Variants in TANC1 observed in about 807,000 individuals in gnomAD.
TANC1 encodes the protein tetratricopeptide repeat, ankyrin repeat and coiled-coil containing 1, also known as protein TANC1.
Under a neutral mutation model 149.7 loss-of-function variants are expected in TANC1, and 77 were observed. The observed-to-expected ratio is 0.51, with a 90% confidence interval of 0.43 to 0.62. The LOEUF is 0.62. Ranked by LOEUF, TANC1 falls within the 20% of genes least tolerant of loss-of-function variation. The pLI is 0.00. For missense variants in TANC1, 1,985 were observed against 2,321.8 expected, an observed-to-expected ratio of 0.85 and a Z score of 2.98; for synonymous variants, 854 against 925.0, an observed-to-expected ratio of 0.92 and a Z score of 1.39.
chr2:158,973,870 G>C (rs1045868613), intron 1 of TANC1, among the ~76,000 whole-genome samples: 2 of 152,220 alleles, frequency 1.3e-5, no homozygotes. Flanking sequence ...TATGTACACA[G>C]ACATGAGGGG....
chr2:159,005,808 G>GA lies in TANC1; in HGVS notation c.-16+4628dup, dbSNP rs949236936. On this transcript the variant is annotated intron_variant, in intron 2 of 26. Coordinates refer to ENST00000263635, the MANE Select transcript of TANC1 (RefSeq NM_033394.3). ...CCACTACAAAAACAAAATTGAAAAA[G>GA]AAAAAAAAAGAAAATTGTCCTTGAA... is the stretch of plus-strand genomic sequence containing the variant. Among the ~76,000 whole-genome samples the GA allele has an allele frequency of 2.1e-4, 31 of 149,736 alleles. 1 individual carries two copies. The highest frequency in any genetic ancestry group is 7.1e-4 in the African/African-American group (29 of 40,862).
At chr2:159,067,485 C>T (rs1372065575) in intron 3 of TANC1, among the ~76,000 whole-genome samples, 1 of 152,184 alleles carries the variant, frequency 6.6e-6, no homozygotes, top group Non-Finnish European at 1.5e-5. Flanking sequence ...GGAGAAATTT[C>T]GTTCACAGAA....
chr2:159,085,071 A>G (rs775419204), intron 3 of TANC1, among the ~76,000 whole-genome samples: 48 of 152,232 alleles, frequency 3.2e-4, no homozygotes, highest in Non-Finnish European at 6.6e-4. Flanking sequence ...TGTTCTCACC[A>G]AAACCTCATG....
chr2:158,977,600 C>T (rs946053146), intron 1 of TANC1, among the ~76,000 whole-genome samples: 2 of 151,248 alleles, frequency 1.3e-5, no homozygotes, highest in Admixed American at 6.6e-5. Flanking sequence ...CATGAGCCAC[C>T]GTGCCTGGCT....
At chr2:159,228,218 T>C (rs1468868510) in intron 25 of TANC1, 6 of 464,862 alleles carry the variant, frequency 1.3e-5, no homozygotes, top group Non-Finnish European at 2.3e-5. Context: ...GAGAAGCAAA[T>C]GCAGTCTGCT....
At chr2:159,051,537 A>C (rs956328601) in intron 2 of TANC1, among the ~76,000 whole-genome samples, 1 of 152,184 alleles carries the variant, frequency 6.6e-6, no homozygotes, top group African/African-American at 2.4e-5. Context: ...ACATACCTTC[A>C]AGTATAAGGC....
At chr2:159,052,525 G>A (rs1029969203) in intron 2 of TANC1, among the ~76,000 whole-genome samples, 3 of 152,144 alleles carry the variant, frequency 2.0e-5, no homozygotes, top group African/African-American at 7.2e-5. Context: ...GGACTTCCCA[G>A]CTTCCAGAAC....
intron 19 of TANC1, among the ~76,000 whole-genome samples, chr2:159,199,334 G>C (rs2058081790): frequency 6.6e-6 from 1 of 152,190 alleles, no homozygotes; most frequent in South Asian, 2.1e-4. Flanking sequence ...ACCTAACTAA[G>C]GTGTTGTTTT....
chr2:159,147,894 C>G (rs1162419498), intron 5 of TANC1: 5 of 152,108 alleles, frequency 3.3e-5, no homozygotes, highest in Admixed American at 1.3e-4. Flanking sequence ...GCATGACTTG[C>G]AAAACTGATA....
intron 4 of TANC1, 74 bp from the exon 5 acceptor site, chr2:159,136,120 A>T (rs2050715282): frequency 2.2e-6 from 2 of 924,474 alleles, no homozygotes; most frequent in Admixed American, 3.5e-5. Flanking sequence ...CCTGGTAAGG[A>T]CACACACTGT....
intron 2 of TANC1, among the ~76,000 whole-genome samples, chr2:159,022,900 A>C (rs1413037387): frequency 6.6e-6 from 1 of 152,136 alleles, no homozygotes; most frequent in Non-Finnish European, 1.5e-5. Flanking sequence ...ACTTTGGGCT[A>C]GGTCTTGTTC....
chr2:159,228,907 T>TGGTTATCTTTGTG lies in TANC1; in HGVS notation c.4151+12_4151+24dup. On this transcript the variant is annotated intron_variant, in intron 26 of 26. Transcript: ENST00000263635. ...GAAGAGAAATAGCAGGTACCGTCTGTGGTTATCTTTGTGTCTAGAGCTTTT... is the reference window on the plus strand; with the variant it reads ...GAAGAGAAATAGCAGGTACCGTCTGTGGTTATCTTTGTGGGTTATCTTTGTGTCTAGAGCTTTT... 1.2e-6 allele frequency: 2 copies of TGGTTATCTTTGTG among 1,605,044 alleles called. No individual in the cohort carries two copies. Among genetic ancestry groups the TGGTTATCTTTGTG allele is most frequent in the Non-Finnish European group, 1.7e-6 (2 of 1,172,054 alleles).
intron 7 of TANC1, among the ~76,000 whole-genome samples, chr2:159,152,095 T>C (rs988244093): frequency 7.2e-5 from 11 of 152,214 alleles, no homozygotes; most frequent in Non-Finnish European, 2.9e-5. Flanking sequence ...GTGGGCTGAG[T>C]TTTGTGTAGC....
chr2:159,025,116 A>G (rs1400504008), intron 2 of TANC1, among the ~76,000 whole-genome samples: 1 of 152,094 alleles, frequency 6.6e-6, no homozygotes, highest in Non-Finnish European at 1.5e-5. Flanking sequence ...TATCTCATAT[A>G]GTTAACTTCC....
rs750259568 is a variant in TANC1 at position 159,229,627 on chromosome 2, C to G, written c.4201C>G (p.Pro1401Ala). The change falls in exon 27 of 27, where the codon CCC becomes GCC. Residue 1401 changes from proline (P) to alanine (A), a missense_variant. Pro to Ala is a conservative substitution (Grantham distance 27). Around this residue, in one of 3 missense-constraint regions of TANC1, gnomAD observed 920 missense variants for 994.7 expected, o/e 0.92. Coordinates refer to ENST00000263635, the MANE Select transcript of TANC1 (RefSeq NM_033394.3). The stretch of plus-strand genomic sequence containing the variant: ...CCTGCAAGAGGCTGTGAAACTCTGT[C>G]CCACCAATCAGGAAGTCAAGAGGCT... ...ADLQEAVKLC[P>A]TNQEVKRLLA... 3.7e-6 allele frequency: 6 copies of G among 1,613,778 alleles called. No homozygotes were observed. Among genetic ancestry groups the G allele is most frequent in the Non-Finnish European group, 4.2e-6 (5 of 1,179,948 alleles).
chr2:159,061,221 A>C (rs549410515), intron 2 of TANC1, among the ~76,000 whole-genome samples: 1 of 152,266 alleles, frequency 6.6e-6, no homozygotes, highest in South Asian at 2.1e-4. Flanking sequence ...AGTTGTAGTA[A>C]CTTTTAGTTG....
At chr2:159,163,103 C>A (rs796987939) in intron 7 of TANC1, among the ~76,000 whole-genome samples, 180 bp from the exon 8 acceptor site, 1 of 152,168 alleles carries the variant, frequency 6.6e-6, no homozygotes, top group African/African-American at 2.4e-5. Flanking sequence ...CAGCTTATTT[C>A]CCCTGGTAAG....
chr2:159,120,497 AT>A (rs1291305767), intron 4 of TANC1, among the ~76,000 whole-genome samples: 3 of 152,144 alleles, frequency 2.0e-5, no homozygotes, highest in Admixed American at 2.0e-4. Flanking sequence ...AATGATATGA[AT>A]TTTGCATTGC....
rs142247923 is a variant in TANC1, at chr2:159,201,293, A to T, written c.3244+2240A>T. Among the ~76,000 whole-genome samples, 15 of 152,312 alleles carry T rather than the reference A, an allele frequency of 9.8e-5. No homozygotes were observed. In the East Asian group the frequency reaches 2.7e-3, roughly 27 times the overall value. Reference sequence around the variant, plus strand: ...CAAATATAGGTCCTTACACAAATGTATACTGCATGCTCTGGAATGTGACAT... The same window carrying T: ...CAAATATAGGTCCTTACACAAATGTTTACTGCATGCTCTGGAATGTGACAT... On this transcript the variant is annotated intron_variant, in intron 19 of 26. Coordinates refer to ENST00000263635, the MANE Select transcript of TANC1 (RefSeq NM_033394.3).
Sources: allele counts gnomAD v4.1 joint callset (sites outside exome capture counted in the v4.1 genomes callset), GRCh38; gene constraint gnomAD v4.1.1; regional missense constraint gnomAD v4.1.1; transcripts MANE v1.5; gene names NCBI Gene and HGNC (gene_info 2026-07-23, HGNC 2026-07-21).